Variants in CDH19 observed in about 807,000 individuals in gnomAD.
CDH19 encodes cadherin 19, also known as cadherin-19.
Under a neutral mutation model 64.2 loss-of-function variants are expected in CDH19, and 67 were observed. The ratio of observed to expected loss-of-function variants is 1.04; its 90% CI spans 0.86 to 1.28. CDH19 has a LOEUF of 1.28. Among genes scored for constraint, CDH19 ranks in the 50% most tolerant of loss-of-function variants. CDH19 has a pLI of 0.00. For missense variants in CDH19, 1,030 were observed against 929.0 expected, an observed-to-expected ratio of 1.11 and a Z score of -1.41; for synonymous variants, 346 against 319.3, an observed-to-expected ratio of 1.08 and a Z score of -0.89.
chr18:66,599,273 T>C (rs1988982286), intron 1 of CDH19, among the ~76,000 whole-genome samples: 2 of 152,100 alleles, frequency 1.3e-5, no homozygotes, highest in Admixed American at 1.3e-4. Flanking sequence ...ATGAGCTGTG[T>C]ATGAAGAATG....
chr18:66,503,626 T>G lies in CDH19; in HGVS notation c.*1186A>C, dbSNP rs1217573870. 6.6e-6 allele frequency: 1 copy of G among 151,910 alleles called. No homozygotes were observed. The highest frequency in any genetic ancestry group is 2.4e-5 in the African/African-American group (1 of 41,436). 9.4% of individuals were successfully genotyped at this position (151,910 alleles called of 1,614,324 possible). A position where few individuals can be genotyped will look rare whatever the true frequency, so the allele number is the denominator to read the frequency against. On this transcript the variant is annotated 3_prime_UTR_variant, in exon 12 of 12. Coordinates refer to ENST00000262150, the MANE Select transcript of CDH19 (RefSeq NM_021153.4). Reference sequence around the variant, plus strand: ...TAAATATTGACTTGTATTTTGCTATTGTATTTTGACATAAGAATGTGTTTT... The same window carrying G: ...TAAATATTGACTTGTATTTTGCTATGGTATTTTGACATAAGAATGTGTTTT...
chr18:66,522,040 G>A (rs1384858803), intron 9 of CDH19, among the ~76,000 whole-genome samples: 2 of 149,664 alleles, frequency 1.3e-5, no homozygotes, highest in Non-Finnish European at 3.0e-5. Flanking sequence ...TCCGCCTCCC[G>A]GGTTCACGCC....
intron 9 of CDH19, among the ~76,000 whole-genome samples, chr18:66,528,288 T>C (rs1598983259): frequency 6.6e-6 from 1 of 152,192 alleles, no homozygotes; most frequent in East Asian, 1.9e-4. Flanking sequence ...TGAAGAAAAA[T>C]GTCTAAGCTG....
rs1295181497 is a variant in CDH19 at position 66,551,237 on chromosome 18, T to G, written c.632A>C (p.Lys211Thr). The G allele has an allele frequency of 1.3e-6, 2 of 1,510,150 alleles. No individual in the cohort carries two copies. The highest frequency in any genetic ancestry group is 3.4e-5 in the Admixed American group (2 of 58,758). 93.5% of individuals were successfully genotyped at this position (1,510,150 alleles called of 1,614,324 possible). ...CTCATCTTGCAGTTCTCTATCCATT[T>G]TAGAAGATATTCTTATGACTCCTTT... The part of the protein sequence containing the change: ...PTTGVIRISS[K>T]MDRELQDEYW... Residue 211 changes from lysine to threonine, a missense_variant, in exon 5 of 12, where the codon AAA becomes ACA. Lys to Thr is a moderately conservative substitution (Grantham distance 78). Coordinates refer to ENST00000262150, the MANE Select transcript of CDH19 (RefSeq NM_021153.4).
chr18:66,564,281 A>T (rs1007913230), intron 3 of CDH19, among the ~76,000 whole-genome samples: 1 of 151,912 alleles, frequency 6.6e-6, no homozygotes, highest in Non-Finnish European at 1.5e-5. Flanking sequence ...GATCATTATA[A>T]CATATTATAT....
intron 5 of CDH19, among the ~76,000 whole-genome samples, chr18:66,548,891 A>C (rs566153950): frequency 1.3e-5 from 2 of 152,316 alleles, no homozygotes; most frequent in East Asian, 3.9e-4. Flanking sequence ...AAACAATAAT[A>C]AACATGTTTC....
chr18:66,539,194 C>T (rs993223387), intron 7 of CDH19, among the ~76,000 whole-genome samples: 2 of 152,100 alleles, frequency 1.3e-5, no homozygotes, highest in African/African-American at 4.8e-5. Flanking sequence ...CTGGAATTAT[C>T]TAGGCAATAA....
rs540575388 is a variant in CDH19, at chr18:66,560,966, T to A, written c.491-6442A>T. Among the ~76,000 whole-genome samples, 1,264 of 152,198 alleles carry A rather than the reference T, an allele frequency of 8.3e-3. 13 individuals are homozygous for A. The highest frequency in any genetic ancestry group is 0.029 in the African/African-American group (1,186 of 41,546). On this transcript the variant is annotated intron_variant, in intron 3 of 11. Transcript: ENST00000262150. ...ATATATATGAACATTAATAAAATCT[T>A]TTTTAGAGAAGATTTTAACATTAAA...
rs536925915 is a variant in CDH19 at position 66,564,538 on chromosome 18, T to A, written c.490+3878A>T. Among the ~76,000 whole-genome samples the A allele has an allele frequency of 2.4e-3, 365 of 152,026 alleles. 3 individuals are homozygous for A. The highest frequency in any genetic ancestry group is 3.5e-3 in the Non-Finnish European group (238 of 67,872). On this transcript the variant is annotated intron_variant, in intron 3 of 11. Coordinates refer to ENST00000262150, the MANE Select transcript of CDH19 (RefSeq NM_021153.4). ...GAAAAGCTCCAAAGAGAGTGGATAG[T>A]CTTTTTACTAGACAATATATTCTCC...
intron 8 of CDH19, among the ~76,000 whole-genome samples, chr18:66,533,134 T>C (rs1423747281): frequency 6.6e-6 from 1 of 151,864 alleles, no homozygotes; most frequent in South Asian, 2.1e-4. Flanking sequence ...AAAATTGAAT[T>C]TTCCCAACAA....
At chr18:66,570,164 T>A (rs1286582290) in intron 2 of CDH19, among the ~76,000 whole-genome samples, 1 of 151,658 alleles carries the variant, frequency 6.6e-6, no homozygotes, top group Non-Finnish European at 1.5e-5. Flanking sequence ...TTTTAAATTA[T>A]ATCATTTCAA....
chr18:66,550,998 A>T, intron 5 of CDH19, 96 bp downstream of exon 5: 1 of 588,418 alleles, frequency 1.7e-6, no homozygotes, highest in Non-Finnish European at 2.9e-6. Context: ...TTTTAGTGTT[A>T]ATGTAGTGCT....
chr18:66,509,655 C>T (rs866651302), intron 10 of CDH19, among the ~76,000 whole-genome samples: 1 of 151,522 alleles, frequency 6.6e-6, no homozygotes, highest in African/African-American at 2.4e-5. Context: ...ATAGGGACTA[C>T]CAATATGAAA....
intron 3 of CDH19, among the ~76,000 whole-genome samples, chr18:66,555,553 A>G (rs1247429740): frequency 6.6e-6 from 1 of 151,794 alleles, no homozygotes. Flanking sequence ...AGCATATTCT[A>G]TTGAAGTAGA....
At chr18:66,519,164 A>G (rs1029528231) in intron 9 of CDH19, among the ~76,000 whole-genome samples, 1 of 152,196 alleles carries the variant, frequency 6.6e-6, no homozygotes, top group Non-Finnish European at 1.5e-5. Context: ...GACATTGACA[A>G]TGTTGTTTGT....
chr18:66,593,756 T>A (rs1367017214), intron 1 of CDH19, among the ~76,000 whole-genome samples: 1 of 152,060 alleles, frequency 6.6e-6, no homozygotes, highest in Admixed American at 6.6e-5. Flanking sequence ...AAATTAATAA[T>A]TTGCTGTATA....
chr18:66,510,306 A>G (rs1985411204), intron 10 of CDH19, among the ~76,000 whole-genome samples: 1 of 151,508 alleles, frequency 6.6e-6, no homozygotes. Flanking sequence ...GAGACAGTTG[A>G]CACTTTTTAA....
chr18:66,543,613 G>A (rs923713046), intron 7 of CDH19, among the ~76,000 whole-genome samples: 1 of 152,008 alleles, frequency 6.6e-6, no homozygotes, highest in Non-Finnish European at 1.5e-5. Context: ...GGCTAGGGGC[G>A]GTGGCTCAAG....
At chr18:66,522,914 C>T (rs1194759676) in intron 9 of CDH19, among the ~76,000 whole-genome samples, 1 of 151,298 alleles carries the variant, frequency 6.6e-6, no homozygotes, top group Admixed American at 6.6e-5. Context: ...TTAATAGTTA[C>T]AATTTAAAAA....
Sources: gnomAD v4.1 joint callset for allele counts (sites outside exome capture counted in the v4.1 genomes callset) on GRCh38, gnomAD v4.1.1 for gene constraint, MANE v1.5 for transcripts, NCBI Gene and HGNC (gene_info 2026-07-23, HGNC 2026-07-21) for gene names.